Variants in DIMT1 observed in about 807,000 individuals in gnomAD.
DIMT1 encodes the protein dimethyladenosine transferase.
A neutral mutation model predicts 43.2 loss-of-function variants in DIMT1; 36 were observed. That is an observed-to-expected ratio of 0.83 (90% CI 0.64 to 1.10). DIMT1 has a LOEUF of 1.10. DIMT1 is among the 50% of genes least tolerant of loss of function. The probability of loss-of-function intolerance (pLI) is 0.00; values close to 1 mark genes in which losing one functional copy is unlikely to be tolerated. For missense variants in DIMT1, 341 were observed against 385.3 expected (o/e 0.88, Z 0.96); for synonymous variants, 126 against 130.3 (o/e 0.97, Z 0.22).
chr5:62,398,504 C>T lies in DIMT1; in HGVS notation c.446+7G>A, dbSNP rs1472011229. ...TTTGGCAGTAACTCTAGTCTTTTGT[C>T]ACAAACCTGAAAAAAGGTCGATGTA... On this transcript the variant is annotated splice_region_variant and intron_variant, in intron 6 of 11. Transcript: ENST00000199320. 2 of 1,611,452 alleles carry T rather than the reference C, an allele frequency of 1.2e-6. No homozygotes were observed. The highest frequency in any genetic ancestry group is 1.7e-6 in the Non-Finnish European group (2 of 1,177,756).
chr5:62,403,746 G>A lies in DIMT1; in HGVS notation c.27C>T (p.Ile9=). Residue 9 remains isoleucine, a synonymous_variant, in exon 1 of 12, where the codon ATC becomes ATT. Transcript: ENST00000199320. ...GCTCCTGCCGCCCGCGGCGGCGGCC[G>A]ATGGCCCCCGACTTGACCTTCGGCA... MPKVKSGA[I]GRRRGRQEQR... The A allele has an allele frequency of 6.2e-7, 1 of 1,610,176 alleles. No homozygotes were observed. Among genetic ancestry groups the A allele is most frequent in the Non-Finnish European group, 8.5e-7 (1 of 1,178,812 alleles).
rs1381328071 is a variant in DIMT1, at chr5:62,388,429, G to A, written c.*581C>T. 2.0e-5 allele frequency: 3 copies of A among 152,406 alleles called. No homozygotes were observed. Among genetic ancestry groups the A allele is most frequent in the Admixed American group, 2.0e-4 (3 of 15,290 alleles). The allele number at this position is 152,406 out of a possible 1,614,324, so 9.4% of individuals were successfully genotyped here. On this transcript the variant is annotated 3_prime_UTR_variant, in exon 12 of 12. Coordinates refer to ENST00000199320, the MANE Select transcript of DIMT1 (RefSeq NM_014473.4). ...GACTTGGGCTTACCCAGAACCCTAA[G>A]TCTCTGACGCTATAGGATAGCGAAA...
At chr5:62,393,272 C>T (rs368649702) in intron 8 of DIMT1, among the ~76,000 whole-genome samples, 1 of 151,640 alleles carries the variant, frequency 6.6e-6, no homozygotes, top group African/African-American at 2.4e-5. Context: ...TAAAGCCAGG[C>T]ACAGTGCTGC....
intron 8 of DIMT1, among the ~76,000 whole-genome samples, chr5:62,393,482 C>T (rs948257837): frequency 1.3e-5 from 2 of 152,144 alleles, no homozygotes; most frequent in African/African-American, 4.8e-5. Flanking sequence ...AGATTCAAAA[C>T]AGACATGACT....
Position 62,392,823 on chromosome 5 carries a change from T to C in DIMT1, c.728+103A>G. On this transcript the variant is annotated intron_variant, in intron 9 of 11. Transcript: ENST00000199320. ...AAAAGGTGAAGTTTGTCTGGACCCATAATCTTTATGCTTTAGGGTAGCTGC... is the reference window on the plus strand; with the variant it reads ...AAAAGGTGAAGTTTGTCTGGACCCACAATCTTTATGCTTTAGGGTAGCTGC... The C allele has an allele frequency of 5.8e-6, 4 of 687,930 alleles. No individual in the cohort carries two copies. The South Asian group carries it at 6.5e-5, about 11-fold the overall frequency. 42.6% of individuals were successfully genotyped at this position (687,930 alleles called of 1,614,324 possible).
rs776524614 is a variant in DIMT1, at chr5:62,394,503, C to T, written c.551G>A (p.Arg184His). ...ACTTACTTTCATTAGATGGTCCACA[C>T]GTGCCAACAGCTGTGTATTAATTGA... ...RLSINTQLLA[R>H]VDHLMKVGKN... Residue 184 changes from arginine (R) to histidine (H), a missense_variant, in exon 7 of 12, where the codon CGT becomes CAT. Coordinates refer to ENST00000199320, the MANE Select transcript of DIMT1 (RefSeq NM_014473.4). 1.4e-5 allele frequency: 23 copies of T among 1,614,024 alleles called. No individual in the cohort carries two copies. Among genetic ancestry groups the T allele is most frequent in the Admixed American group, 6.7e-5 (4 of 59,994 alleles).
At chr5:62,401,473 G>A (rs1325710830) in intron 3 of DIMT1, among the ~76,000 whole-genome samples, 5 of 97,434 alleles carry the variant, frequency 5.1e-5, no homozygotes, top group South Asian at 3.7e-4. Flanking sequence ...CCAGCCTGGG[G>A]AACAGTGTGA....
rs777272669 is a variant in DIMT1, at chr5:62,394,573, G to T, written c.481C>A (p.Leu161Ile). 2.5e-6 allele frequency: 4 copies of T among 1,614,182 alleles called. No individual in the cohort carries two copies. Among genetic ancestry groups the T allele is most frequent in the Non-Finnish European group, 3.4e-6 (4 of 1,180,040 alleles). Reference protein sequence around the residue: ...AILMFQREFALRLVAKPGDKL... With the variant: ...AILMFQREFAIRLVAKPGDKL... ...TCTCCAGGTTTTGCAACCAGTCGGA[G>T]GGCAAATTCTCTTTGAAACATAAGT... is the stretch of plus-strand genomic sequence containing the variant. Residue 161 changes from leucine to isoleucine, a missense_variant, in exon 7 of 12, where the codon CTC becomes ATC. Transcript: ENST00000199320.
At chr5:62,394,650 A>C (rs1288870092) in intron 6 of DIMT1, 43 bp from the exon 7 acceptor site, 1 of 1,608,768 alleles carries the variant, frequency 6.2e-7, no homozygotes. Flanking sequence ...GGTCATTGTC[A>C]ACTATAAATG....
At chr5:62,390,323 C>T (rs1742245444) in intron 11 of DIMT1, among the ~76,000 whole-genome samples, 2 of 152,158 alleles carry the variant, frequency 1.3e-5, no homozygotes, top group Admixed American at 1.3e-4. Flanking sequence ...GTCTAAATTA[C>T]CTAGATAATT....
At chr5:62,394,903 A>G (rs1313718495) in intron 6 of DIMT1, among the ~76,000 whole-genome samples, 1 of 152,212 alleles carries the variant, frequency 6.6e-6, no homozygotes, top group East Asian at 1.9e-4. Flanking sequence ...AAGTGAAATA[A>G]AATTGTTTCA....
chr5:62,390,793 C>T (rs556773433), intron 11 of DIMT1, 83 bp downstream of exon 11: 13 of 1,157,976 alleles, frequency 1.1e-5, no homozygotes, highest in African/African-American at 7.6e-5. Flanking sequence ...CACCTTATAC[C>T]GCTTAAAAGC....
At chr5:62,402,618 T>C (rs6893907) in intron 2 of DIMT1, among the ~76,000 whole-genome samples, 2,221 of 152,362 alleles carry the variant, frequency 0.015, 51 homozygotes, top group African/African-American at 0.05. Flanking sequence ...AAGGAAACTA[T>C]GAGCTAAAAA....
intron 10 of DIMT1, chr5:62,391,596 A>C: frequency 1.5e-6 from 1 of 671,134 alleles, no homozygotes; most frequent in Non-Finnish European, 1.9e-6. Context: ...AGTCATAAAA[A>C]ATAAAAAGAA....
At chr5:62,402,621 G>C (rs1742746745) in intron 2 of DIMT1, among the ~76,000 whole-genome samples, 1 of 152,186 alleles carries the variant, frequency 6.6e-6, no homozygotes, top group South Asian at 2.1e-4. Context: ...GAAACTATGA[G>C]CTAAAAAGGT....
intron 6 of DIMT1, among the ~76,000 whole-genome samples, chr5:62,397,656 T>C (rs1742544141): frequency 6.6e-6 from 1 of 152,162 alleles, no homozygotes; most frequent in Non-Finnish European, 1.5e-5. Context: ...CATAAACTTT[T>C]TTTTTTTTTT....
Position 62,388,769 on chromosome 5 carries a change from C to T in DIMT1, c.*241G>A. On this transcript the variant is annotated 3_prime_UTR_variant, in exon 12 of 12. Transcript: ENST00000199320. ...AGTGTAAAGTTGTGCGTCTCTGCGG[C>T]TCCTGAACTTGAAGATTATTATGAA... The T allele has an allele frequency of 1.9e-6, 1 of 526,572 alleles. No individual in the cohort carries two copies. Among genetic ancestry groups the T allele is most frequent in the Non-Finnish European group, 3.4e-6 (1 of 294,258 alleles). 32.6% of individuals were successfully genotyped at this position (526,572 alleles called of 1,614,324 possible). A position where few individuals can be genotyped will look rare whatever the true frequency, so the allele number is the denominator to read the frequency against.
intron 11 of DIMT1, among the ~76,000 whole-genome samples, chr5:62,390,207 T>G (rs1240820822): frequency 2.6e-5 from 4 of 152,222 alleles, no homozygotes; most frequent in Non-Finnish European, 4.4e-5. Flanking sequence ...AACATCTTAA[T>G]GATTAAAAAC....
rs1424298527 is a variant in DIMT1, at chr5:62,388,351, A to G, written c.*659T>C. The G allele has an allele frequency of 6.6e-6, 1 of 152,204 alleles. No individual in the cohort carries two copies. Among genetic ancestry groups the G allele is most frequent in the East Asian group, 1.9e-4 (1 of 5,202 alleles). 9.4% of individuals were successfully genotyped at this position (152,204 alleles called of 1,614,324 possible). ...TTCCAGTTTAGCTTCCTCATTTTAC[A>G]TGTTGGGAGTCATGCCCTTTAATAT... On this transcript the variant is annotated 3_prime_UTR_variant, in exon 12 of 12. Coordinates refer to ENST00000199320, the MANE Select transcript of DIMT1 (RefSeq NM_014473.4).
Sources: allele counts gnomAD v4.1 joint callset (sites outside exome capture counted in the v4.1 genomes callset), GRCh38; gene constraint gnomAD v4.1.1; transcripts MANE v1.5; gene names NCBI Gene and HGNC (gene_info 2026-07-23, HGNC 2026-07-21).